The following DNAH6 variants were observed in gnomAD, a reference collection of about 807,000 sequenced individuals.
The protein encoded by DNAH6 is dynein axonemal heavy chain 6, also known as axonemal beta dynein heavy chain 6.
DNAH6 carries 340 observed loss-of-function variants against 491.4 expected under a neutral mutation model. The observed-to-expected ratio is 0.69, with a 90% confidence interval of 0.63 to 0.76. DNAH6 has a LOEUF of 0.76. DNAH6 is among the 30% of genes least tolerant of loss of function. The probability of loss-of-function intolerance (pLI) is 0.00; values close to 1 mark genes in which losing one functional copy is unlikely to be tolerated. For synonymous variants in DNAH6, 1,603 were observed against 1,686.1 expected, an observed-to-expected ratio of 0.95 and a Z score of 1.21; for missense variants, 4,443 against 4,972.2, an observed-to-expected ratio of 0.89 and a Z score of 3.20.
chr2:84,658,362 T>C lies in DNAH6; in HGVS notation c.5828T>C (p.Ile1943Thr). ...TATGTTGATGAAGGTTTACATTTTA[T>C]CAATAAAAAGTGCAGCCAAGCAATT... is the stretch of plus-strand genomic sequence containing the variant. ...QRYVDEGLHF[I>T]NKKCSQAIPQ... is the part of the protein sequence containing the mutation. The change falls in exon 36 of 77, where the codon ATC becomes ACC. Residue 1943 changes from isoleucine to threonine, a missense_variant. Coordinates refer to ENST00000389394, the MANE Select transcript of DNAH6 (RefSeq NM_001370.2). 1 of 1,549,060 alleles carries C rather than the reference T, an allele frequency of 6.5e-7. No homozygotes were observed.
Position 84,669,342 on chromosome 2 carries a change from G to T in DNAH6, c.6138G>T (p.Arg2046=). Residue 2046 remains arginine, a synonymous_variant, in exon 38 of 77, where the codon CGG becomes CGT. Transcript: ENST00000389394. The stretch of plus-strand genomic sequence containing the variant: ...TTCATATGGACTTTGACACCAAACG[G>T]CTGGATCCCTGGGAACGAATCATAC... ...WSIHMDFDTK[R]LDPWERIIPT... 6.5e-7 allele frequency: 1 copy of T among 1,549,180 alleles called. No individual in the cohort carries two copies. Among genetic ancestry groups the T allele is most frequent in the East Asian group, 2.4e-5 (1 of 40,914 alleles).
At chr2:84,479,592 G>T in the DNAH6 span, among the ~76,000 whole-genome samples, 2 of 152,212 alleles carry the variant, frequency 1.3e-5, no homozygotes, top group South Asian at 2.1e-4. Flanking sequence ...AAAAAAGCAA[G>T]ATTCCCTGAG....
At chr2:84,590,369 C>T (rs1239741019) in intron 16 of DNAH6, among the ~76,000 whole-genome samples, 1 of 151,908 alleles carries the variant, frequency 6.6e-6, no homozygotes, top group African/African-American at 2.4e-5. Context: ...GTGGCAGGCG[C>T]CTGTAATCCC....
At chr2:84,508,061 T>A in the DNAH6 span, among the ~76,000 whole-genome samples, 1 of 152,236 alleles carries the variant, frequency 6.6e-6, no homozygotes, top group Non-Finnish European at 1.5e-5. Context: ...GGCTTTGGTA[T>A]CAGGATGATA....
At chr2:84,586,672 A>G (rs1683586503) in intron 15 of DNAH6, among the ~76,000 whole-genome samples, 1 of 152,194 alleles carries the variant, frequency 6.6e-6, no homozygotes, top group Non-Finnish European at 1.5e-5. Context: ...ATCTCAAAAC[A>G]CTTTAGGGTT....
At chr2:84,553,668 C>T (rs1679741905) in intron 10 of DNAH6, among the ~76,000 whole-genome samples, 1 of 109,832 alleles carries the variant, frequency 9.1e-6, no homozygotes, top group Non-Finnish European at 1.7e-5. Context: ...TGCGGCTTTG[C>T]CATGGTGGCC....
intron 47 of DNAH6, 134 bp downstream of exon 47, chr2:84,697,861 G>T: frequency 1.1e-6 from 1 of 940,636 alleles, no homozygotes. Context: ...CTTTGTATTC[G>T]ATGTATTTTA....
intron 61 of DNAH6, among the ~76,000 whole-genome samples, chr2:84,728,910 C>T (rs944130119): frequency 6.6e-6 from 1 of 152,126 alleles, no homozygotes; most frequent in African/African-American, 2.4e-5. Flanking sequence ...CTCTGTCCAA[C>T]TCTGCAAATC....
chr2:84,607,459 CATAAT>C (rs1685885743), intron 21 of DNAH6, among the ~76,000 whole-genome samples: 1 of 151,904 alleles, frequency 6.6e-6, no homozygotes, highest in Non-Finnish European at 1.5e-5. Flanking sequence ...TAAAGATAGA[CATAAT>C]AGACACTGGA....
intron 30 of DNAH6, 112 bp from the exon 31 acceptor site, chr2:84,637,098 G>C: frequency 1.2e-6 from 1 of 838,938 alleles, no homozygotes; most frequent in East Asian, 2.8e-5. Flanking sequence ...ATGGTATTCA[G>C]TAGTCTTTGC....
intron 64 of DNAH6, chr2:84,777,978 G>A: frequency 1.0e-6 from 1 of 957,978 alleles, no homozygotes; most frequent in South Asian, 1.3e-5. Flanking sequence ...ATAATGACCA[G>A]CTTGGAATTT....
intron 63 of DNAH6, among the ~76,000 whole-genome samples, chr2:84,761,270 A>T (rs1056327562): frequency 6.6e-6 from 1 of 152,152 alleles, no homozygotes; most frequent in African/African-American, 2.4e-5. Flanking sequence ...GCTAAATATT[A>T]TGTACACATG....
At chr2:84,692,802 C>G (rs1234519333) in intron 45 of DNAH6, among the ~76,000 whole-genome samples, 1 of 152,164 alleles carries the variant, frequency 6.6e-6, no homozygotes, top group African/African-American at 2.4e-5. Flanking sequence ...ATTATTTACT[C>G]TCTGAGCCAT....
At chr2:84,672,591 T>A (rs1692839991) in intron 40 of DNAH6, 107 bp downstream of exon 40, 1 of 1,015,584 alleles carries the variant, frequency 9.8e-7, no homozygotes, top group Non-Finnish European at 1.4e-6. Flanking sequence ...ATGGGGTGGC[T>A]TACACAACAG....
chr2:84,701,060 A>T (rs1473014927), intron 48 of DNAH6, 37 bp from the exon 49 acceptor site: 19 of 1,542,368 alleles, frequency 1.2e-5, no homozygotes, highest in Admixed American at 5.9e-5. Flanking sequence ...TATTGAAATG[A>T]CACAACAGAT....
intron 37 of DNAH6, among the ~76,000 whole-genome samples, chr2:84,663,961 C>G (rs2222733): frequency 0.89 from 135,394 of 152,142 alleles, 60,325 homozygotes; most frequent in East Asian, 0.93. Flanking sequence ...TTAAAGAAAG[C>G]AATTTTCAAC....
intron 44 of DNAH6, among the ~76,000 whole-genome samples, chr2:84,688,171 G>T (rs1424100753): frequency 3.3e-5 from 5 of 149,984 alleles, no homozygotes; most frequent in Non-Finnish European, 7.4e-5. Context: ...GGAGGCGAAG[G>T]TTGTGGTGAG....
At chr2:84,470,492 T>C in the DNAH6 span, among the ~76,000 whole-genome samples, 12 of 152,150 alleles carry the variant, frequency 7.9e-5, no homozygotes, top group African/African-American at 2.9e-4. Flanking sequence ...TTTTAGACCA[T>C]GTGGGGTAAT....
rs1369404620 is a variant in DNAH6 at position 84,544,515 on chromosome 2, T to C, written c.930+15T>C. 29 of 1,302,894 alleles carry C rather than the reference T, an allele frequency of 2.2e-5. No homozygotes were observed. Among genetic ancestry groups the C allele is most frequent in the Non-Finnish European group, 3.0e-5 (28 of 946,738 alleles). 80.7% of individuals were successfully genotyped at this position (1,302,894 alleles called of 1,614,324 possible). ...TTGTTAATCCTGTATGTATTTATCA[T>C]TTATATTTTAAAATAATTACTTACA... is the stretch of plus-strand genomic sequence containing the variant. On this transcript the variant is annotated intron_variant, in intron 5 of 76. Coordinates refer to ENST00000389394, the MANE Select transcript of DNAH6 (RefSeq NM_001370.2).
Sources: gnomAD v4.1 joint callset for allele counts (sites outside exome capture counted in the v4.1 genomes callset) on GRCh38, gnomAD v4.1.1 for gene constraint, MANE v1.5 for transcripts, NCBI Gene and HGNC (gene_info 2026-07-23, HGNC 2026-07-21) for gene names.